Variants in PHTF1 observed in about 807,000 individuals in gnomAD.
PHTF1 encodes putative homeodomain transcription factor 1, also known as protein PHTF1.
PHTF1 carries 88 observed loss-of-function variants against 102.4 expected under a neutral mutation model. That is an observed-to-expected ratio of 0.86 (90% confidence interval 0.72 to 1.03). The LOEUF (loss-of-function observed/expected upper bound fraction) is 1.03. Ranked by LOEUF, PHTF1 falls within the 50% of genes least tolerant of loss-of-function variation. The pLI is 0.00. For missense variants in PHTF1, 814 were observed against 909.5 expected (o/e 0.89, Z 1.35); for synonymous variants, 289 against 305.2 (o/e 0.95, Z 0.55).
rs1303988199 is a variant in PHTF1, at chr1:113,705,941, A to G, written c.1620T>C (p.Leu540=). Residue 540 remains leucine, a synonymous_variant, in exon 13 of 19, where the codon CTT becomes CTC. Coordinates refer to ENST00000369604, the MANE Select transcript of PHTF1 (RefSeq NM_001323043.2). The part of the protein sequence containing the change: ...SIINFFERLC[L]TWMFFFMMCV... ...ACATCATGAAAAAAAACATCCAAGT[A>G]AGACACAATCTTTCAAAAAAATTAA... 1 of 1,613,978 alleles carries G rather than the reference A, an allele frequency of 6.2e-7. No individual in the cohort carries two copies. The highest frequency in any genetic ancestry group is 8.5e-7 in the Non-Finnish European group (1 of 1,179,930).
At chr1:113,723,849 G>T (rs1255816797) in intron 7 of PHTF1, among the ~76,000 whole-genome samples, 1 of 152,138 alleles carries the variant, frequency 6.6e-6, no homozygotes, top group Non-Finnish European at 1.5e-5. Context: ...CTCACAGAAT[G>T]AGAGAAAGTC....
chr1:113,700,459 CTTA>C (rs1239377137), intron 16 of PHTF1, among the ~76,000 whole-genome samples: 1 of 152,106 alleles, frequency 6.6e-6, no homozygotes, highest in Admixed American at 6.6e-5. Flanking sequence ...ATTCAAGAAG[CTTA>C]TTATACATGC....
chr1:113,698,187 ACG>A (rs1175096644), intron 18 of PHTF1, 73 bp downstream of exon 18: 1 of 903,692 alleles, frequency 1.1e-6, no homozygotes, highest in East Asian at 2.9e-5. Context: ...ACACACACAC[ACG>A]TGTGAAGAAC....
intron 2 of PHTF1, among the ~76,000 whole-genome samples, chr1:113,758,231 CAAAA>C (rs1162537319): frequency 1.7e-5 from 1 of 58,220 alleles, no homozygotes; most frequent in Non-Finnish European, 3.1e-5. Context: ...AACTCCGTCT[CAAAA>C]AAAAAAAAAA....
At chr1:113,704,400 CA>C (rs1306794065) in intron 14 of PHTF1, among the ~76,000 whole-genome samples, 2 of 151,990 alleles carry the variant, frequency 1.3e-5, no homozygotes, top group East Asian at 1.9e-4. Flanking sequence ...GAGTATTTCC[CA>C]AAAAAGCCAG....
chr1:113,759,815 T>A (rs567254488), upstream of PHTF1, among the ~76,000 whole-genome samples: 19 of 152,368 alleles, frequency 1.2e-4, no homozygotes, highest in African/African-American at 4.6e-4. Context: ...TTAATCTCTG[T>A]TCCCCAGTGG....
At chr1:113,756,130 C>G (rs1658844969) in intron 3 of PHTF1, among the ~76,000 whole-genome samples, 1 of 149,814 alleles carries the variant, frequency 6.7e-6, no homozygotes, top group African/African-American at 2.5e-5. Flanking sequence ...GGTTAGATAA[C>G]AAGGCTAGAG....
At chr1:113,712,923 C>T (rs1651365015) in intron 8 of PHTF1, among the ~76,000 whole-genome samples, 1 of 152,090 alleles carries the variant, frequency 6.6e-6, no homozygotes, top group South Asian at 2.1e-4. Flanking sequence ...TCCCAAGTAG[C>T]TGGGACTACA....
rs1256308854 is a variant in PHTF1, at chr1:113,712,126, CA to C, written c.784-14del. 2 of 1,610,276 alleles carry C rather than the reference CA, an allele frequency of 1.2e-6. No homozygotes were observed. The highest frequency in any genetic ancestry group is 1.3e-5 in the African/African-American group (1 of 74,900). The stretch of plus-strand genomic sequence containing the variant: ...GCCTAAAAGCCTCCTACAAAGAGAA[CA>C]GCAATACCTTCACAGGGGACAGCCC... On this transcript the variant is annotated splice_polypyrimidine_tract_variant and intron_variant, in intron 8 of 18. Transcript: ENST00000369604.
intron 7 of PHTF1, among the ~76,000 whole-genome samples, chr1:113,720,096 G>A (rs529684374): frequency 6.6e-6 from 1 of 152,092 alleles, no homozygotes; most frequent in Non-Finnish European, 1.5e-5. Flanking sequence ...GGGAATTCTG[G>A]GAGATACAAT....
chr1:113,720,995 AC>A (rs1173235022), intron 7 of PHTF1, among the ~76,000 whole-genome samples: 4 of 152,224 alleles, frequency 2.6e-5, no homozygotes, highest in Admixed American at 2.6e-4. Flanking sequence ...GGTCCCAGCT[AC>A]ATGGGGGACT....
intron 16 of PHTF1, 75 bp downstream of exon 16, chr1:113,700,719 A>C: frequency 7.2e-7 from 1 of 1,384,374 alleles, no homozygotes; most frequent in South Asian, 1.2e-5. Context: ...TTAAACCCTG[A>C]ATCCTCTGCA....
chr1:113,733,672 C>G (rs1241272423), intron 5 of PHTF1, among the ~76,000 whole-genome samples: 6 of 152,142 alleles, frequency 3.9e-5, no homozygotes, highest in Non-Finnish European at 4.4e-5. Flanking sequence ...CAGACCCTCA[C>G]CAGACACTGA....
At position 113,759,030 on chromosome 1, in the gene PHTF1, C is replaced by A; in HGVS notation, c.-38G>T. ...CCCGCGTCCGGCTCTCACCTAGTGC[C>A]CGTTGCCCCGCGGGCCGGCGCCCGG... is the stretch of plus-strand genomic sequence containing the variant. On this transcript the variant is annotated 5_prime_UTR_variant, in exon 1 of 19. Transcript: ENST00000369604. 9.7e-7 allele frequency: 1 copy of A among 1,030,376 alleles called. No homozygotes were observed. The allele number at this position is 1,030,376 out of a possible 1,614,324, so 63.8% of individuals were successfully genotyped here.
chr1:113,727,801 A>G (rs1429502481), intron 5 of PHTF1, among the ~76,000 whole-genome samples: 1 of 151,936 alleles, frequency 6.6e-6, no homozygotes, highest in Non-Finnish European at 1.5e-5. Flanking sequence ...CCCCATCTCC[A>G]CAATACTCCA....
chr1:113,707,118 G>A (rs1250641580), intron 11 of PHTF1, among the ~76,000 whole-genome samples: 1 of 144,180 alleles, frequency 6.9e-6, no homozygotes, highest in Non-Finnish European at 1.5e-5. Context: ...CTAAAGGTAT[G>A]GAAGTGAGGA....
rs1430123833 is a variant in PHTF1, at chr1:113,697,072, C to T, written c.*633G>A. ...TACATGGCATATTGTATGCATGCAT[C>T]GTTTGCCAACAACTATACAGTTATT... On this transcript the variant is annotated 3_prime_UTR_variant, in exon 19 of 19. Coordinates refer to ENST00000369604, the MANE Select transcript of PHTF1 (RefSeq NM_001323043.2). 1.3e-5 allele frequency: 2 copies of T among 152,340 alleles called. No homozygotes were observed. Among genetic ancestry groups the T allele is most frequent in the African/African-American group, 2.4e-5 (1 of 41,436 alleles). 9.4% of individuals were successfully genotyped at this position (152,340 alleles called of 1,614,324 possible).
At chr1:113,705,800 GAAGA>G (rs2101111345) in intron 13 of PHTF1, 86 bp downstream of exon 13, 1 of 959,062 alleles carries the variant, frequency 1.0e-6, no homozygotes, top group Non-Finnish European at 1.6e-6. Context: ...ACATCAACTT[GAAGA>G]GAGACCAAAT....
chr1:113,746,832 A>T (rs1380976480), intron 3 of PHTF1: 11 of 897,594 alleles, frequency 1.2e-5, no homozygotes, highest in African/African-American at 1.8e-5. Flanking sequence ...AATAAAAAAT[A>T]ACATTCCAGT....
Sources: gnomAD v4.1 joint callset for allele counts (sites outside exome capture counted in the v4.1 genomes callset) on GRCh38, gnomAD v4.1.1 for gene constraint, MANE v1.5 for transcripts, NCBI Gene and HGNC (gene_info 2026-07-23, HGNC 2026-07-21) for gene names.